SGSM1: variants seen among roughly 807,000 people sequenced by gnomAD.
SGSM1 encodes the protein RUN and TBC1 domain containing 2.
In SGSM1, 73 loss-of-function variants were observed where a neutral mutation model predicts 133.8. That is an observed-to-expected ratio of 0.55 (90% CI 0.45 to 0.66). The LOEUF is 0.66. Among genes scored for constraint, SGSM1 ranks in the 30% least tolerant of loss-of-function variants. The pLI, the probability that SGSM1 is intolerant of heterozygous loss-of-function variation, is 0.00. For synonymous variants in SGSM1, 563 were observed against 573.0 expected, an observed-to-expected ratio of 0.98 and a Z score of 0.25; for missense variants, 1,213 against 1,448.1, an observed-to-expected ratio of 0.84 and a Z score of 2.64.
chr22:24,835,733 C>G (rs1235411980), intron 2 of SGSM1, among the ~76,000 whole-genome samples: 1 of 151,742 alleles, frequency 6.6e-6, no homozygotes, highest in Non-Finnish European at 1.5e-5. Flanking sequence ...GCAAGGAGGC[C>G]TGTGTGTGTA....
intron 16 of SGSM1, among the ~76,000 whole-genome samples, chr22:24,890,240 G>A (rs1451247267): frequency 6.6e-6 from 1 of 152,236 alleles, no homozygotes; most frequent in Non-Finnish European, 1.5e-5. Context: ...ACAGGCATGA[G>A]CCACCACGCC....
chr22:24,900,010 A>T lies in SGSM1; in HGVS notation c.2610+1451A>T, dbSNP rs988366162. ...AATATGCTATAAAATGACTTACTTGATTATTTTATAGTCTCTTGCTTTTTT... is the reference window on the plus strand; with the variant it reads ...AATATGCTATAAAATGACTTACTTGTTTATTTTATAGTCTCTTGCTTTTTT... On this transcript the variant is annotated intron_variant, in intron 19 of 24. Coordinates refer to ENST00000400358, the MANE Select transcript of SGSM1 (RefSeq NM_001098497.3). 4.1e-4 allele frequency among the ~76,000 whole-genome samples: 60 copies of T among 147,000 alleles called. 4 individuals are homozygous for T. Among genetic ancestry groups the T allele is most frequent in the Non-Finnish European group, 3.0e-5 (2 of 67,044 alleles).
At chr22:24,892,337 G>T (rs1932829078) in intron 16 of SGSM1, among the ~76,000 whole-genome samples, 1 of 152,064 alleles carries the variant, frequency 6.6e-6, no homozygotes, top group South Asian at 2.1e-4. Context: ...TCCTTACCTA[G>T]ATCAGCCAAT....
In SGSM1 at chr22:24,806,237, C is replaced by A. The variant is rs1277891690; in HGVS notation, c.-89C>A. 3 of 1,301,874 alleles carry A rather than the reference C, an allele frequency of 2.3e-6. No homozygotes were observed. Among genetic ancestry groups the A allele is most frequent in the Non-Finnish European group, 2.9e-6 (3 of 1,031,704 alleles). The allele number at this position is 1,301,874 out of a possible 1,614,324, so 80.6% of individuals were successfully genotyped here. On this transcript the variant is annotated 5_prime_UTR_variant, in exon 1 of 25. Transcript: ENST00000400358. ...CTCAGCGCTCGGCCCCGCCCCGCCG[C>A]GGCTGCAGCAGCAGCGCCGCGGCCG...
intron 4 of SGSM1, among the ~76,000 whole-genome samples, chr22:24,848,710 C>T (rs1380901925): frequency 1.3e-5 from 2 of 152,240 alleles, no homozygotes; most frequent in Non-Finnish European, 2.9e-5. Flanking sequence ...ATTGGGCGTT[C>T]TGGGGAAAAG....
intron 9 of SGSM1, among the ~76,000 whole-genome samples, chr22:24,866,834 G>T (rs1339365949): frequency 6.6e-6 from 1 of 152,212 alleles, no homozygotes; most frequent in Non-Finnish European, 1.5e-5. Flanking sequence ...GGCCATTCCT[G>T]GAGTCCGAGG....
At chr22:24,861,956 C>T (rs3062182) in intron 9 of SGSM1, among the ~76,000 whole-genome samples, 4,059 of 116,344 alleles carry the variant, frequency 0.035, 253 homozygotes, top group African/African-American at 0.15. Context: ...TTCTTTCTTT[C>T]TTTTTTTTTT....
intron 16 of SGSM1, among the ~76,000 whole-genome samples, chr22:24,892,292 C>T (rs867936702): frequency 2.0e-5 from 3 of 152,046 alleles, no homozygotes; most frequent in Admixed American, 6.6e-5. Context: ...AGGAGAGGGT[C>T]GGGCTCCCCA....
chr22:24,906,599 G>C (rs1040120789), intron 21 of SGSM1, among the ~76,000 whole-genome samples: 3 of 152,122 alleles, frequency 2.0e-5, no homozygotes, highest in African/African-American at 7.2e-5. Context: ...ATCCCAAAAT[G>C]AAATTAGGAA....
Position 24,834,266 on chromosome 22 carries a change from A to G in SGSM1, c.64-10631A>G, listed in dbSNP as rs536653649. Among the ~76,000 whole-genome samples, 23 of 152,350 alleles carry G rather than the reference A, an allele frequency of 1.5e-4. No individual in the cohort carries two copies. The South Asian group carries it at 3.1e-3, about 21-fold the overall frequency. Reference sequence around the variant, plus strand: ...ACCACCTAAGTAGGCCGTCTGGGCCATGACTCAGGATACAGGAGCAGTTTC... The same window carrying G: ...ACCACCTAAGTAGGCCGTCTGGGCCGTGACTCAGGATACAGGAGCAGTTTC... On this transcript the variant is annotated intron_variant, in intron 2 of 24. Coordinates refer to ENST00000400358, the MANE Select transcript of SGSM1 (RefSeq NM_001098497.3).
At chr22:24,869,606 T>C (rs561658466) in intron 12 of SGSM1, among the ~76,000 whole-genome samples, 1 of 152,352 alleles carries the variant, frequency 6.6e-6, no homozygotes, top group South Asian at 2.1e-4. Flanking sequence ...CTGTTGTTAA[T>C]ATTCTACTTC....
chr22:24,921,272 A>G (rs5760733), intron 24 of SGSM1, among the ~76,000 whole-genome samples: 45,236 of 151,678 alleles, frequency 0.3, 7,453 homozygotes, highest in East Asian at 0.69. Context: ...GCTAATTTTT[A>G]TATTTTTAGT....
rs533444954 is a variant in SGSM1 at position 24,920,224 on chromosome 22, CA to C, written c.3193+232del. Among the ~76,000 whole-genome samples the C allele has an allele frequency of 1.4e-4, 22 of 152,268 alleles. No individual in the cohort carries two copies. The South Asian group carries it at 4.2e-3, about 29-fold the overall frequency. On this transcript the variant is annotated intron_variant, in intron 24 of 24. Transcript: ENST00000400358. ...GGGACCACAGATGTTGAAATCAGCT[CA>C]GGGGCAAAGTCTGGTTCTATCGCTG...
At chr22:24,914,042 G>A (rs1336540915) in intron 22 of SGSM1, among the ~76,000 whole-genome samples, 1 of 151,226 alleles carries the variant, frequency 6.6e-6, no homozygotes, top group Admixed American at 6.6e-5. Flanking sequence ...TGTAATCCCA[G>A]CACTTTGGGA....
intron 5 of SGSM1, among the ~76,000 whole-genome samples, chr22:24,851,145 C>T (rs1019533569): frequency 8.6e-5 from 13 of 151,570 alleles, no homozygotes; most frequent in Non-Finnish European, 1.5e-4. Flanking sequence ...CATGGTGAGC[C>T]TTTTTAACGT....
At chr22:24,917,829 G>A (rs1440662696) in intron 23 of SGSM1, 75 bp downstream of exon 23, 8 of 1,288,072 alleles carry the variant, frequency 6.2e-6, no homozygotes, top group Non-Finnish European at 7.7e-6. Context: ...TCCCGTGGAG[G>A]TGAGGTTGAG....
intron 21 of SGSM1, among the ~76,000 whole-genome samples, chr22:24,909,086 A>G (rs1039799082): frequency 2.6e-5 from 4 of 152,052 alleles, no homozygotes; most frequent in African/African-American, 9.7e-5. Flanking sequence ...CGTGAACCCT[A>G]TTGTGAATTG....
intron 2 of SGSM1, among the ~76,000 whole-genome samples, chr22:24,806,841 G>A (rs564944250): frequency 6.6e-5 from 10 of 152,164 alleles, no homozygotes; most frequent in Admixed American, 5.9e-4. Flanking sequence ...GAAGCTGCTA[G>A]GGGGACGCCC....
intron 23 of SGSM1, among the ~76,000 whole-genome samples, chr22:24,918,732 T>C (rs1290695562): frequency 6.6e-6 from 1 of 151,874 alleles, no homozygotes; most frequent in Non-Finnish European, 1.5e-5. Flanking sequence ...TGCTTTTCTT[T>C]TTTTTTTTCT....
Sources: allele counts gnomAD v4.1 joint callset (sites outside exome capture counted in the v4.1 genomes callset), GRCh38; gene constraint gnomAD v4.1.1; transcripts MANE v1.5; gene names NCBI Gene and HGNC (gene_info 2026-07-23, HGNC 2026-07-21).